Variants in FBXL13 observed in about 807,000 individuals in gnomAD.
FBXL13 encodes the protein F-box and leucine-rich repeat protein 13.
A neutral mutation model predicts 83.6 loss-of-function variants in FBXL13; 67 were observed. That is an observed-to-expected ratio of 0.80 (90% CI 0.66 to 0.98). FBXL13 has a LOEUF of 0.98. Among genes scored for constraint, FBXL13 ranks in the 50% least tolerant of loss-of-function variants. The pLI, the probability that FBXL13 is intolerant of heterozygous loss-of-function variation, is 0.00. For missense variants in FBXL13, 822 were observed against 866.5 expected, an observed-to-expected ratio of 0.95 and a Z score of 0.64; for synonymous variants, 272 against 299.5, an observed-to-expected ratio of 0.91 and a Z score of 0.95.
At chr7:102,913,596 G>A (rs962589041) in intron 10 of FBXL13, among the ~76,000 whole-genome samples, 11 of 152,118 alleles carry the variant, frequency 7.2e-5, no homozygotes, top group African/African-American at 2.4e-4. Flanking sequence ...TATCTCTGGA[G>A]TACCAAAATA....
chr7:103,071,225 A>G (rs1401697613), intron 1 of FBXL13, among the ~76,000 whole-genome samples: 1 of 152,142 alleles, frequency 6.6e-6, no homozygotes, highest in African/African-American at 2.4e-5. Flanking sequence ...AAGAAAAAAA[A>G]AGCTAACATA....
At chr7:102,970,064 A>T (rs764609833) in intron 6 of FBXL13, among the ~76,000 whole-genome samples, 1 of 152,070 alleles carries the variant, frequency 6.6e-6, no homozygotes, top group Non-Finnish European at 1.5e-5. Flanking sequence ...TAGCCTGGGC[A>T]ACATAGTGAA....
At chr7:102,987,871 TA>T (rs1314337352) in intron 6 of FBXL13, among the ~76,000 whole-genome samples, 1 of 152,116 alleles carries the variant, frequency 6.6e-6, no homozygotes, top group South Asian at 2.1e-4. Flanking sequence ...CTGAACACGC[TA>T]GGGGGTAGAT....
chr7:102,973,783 G>A (rs375188220), intron 6 of FBXL13: 3 of 758,442 alleles, frequency 4.0e-6, no homozygotes, highest in Middle Eastern at 2.3e-4. Flanking sequence ...TAAGTTTCCC[G>A]GGAGCCCGGT....
intron 9 of FBXL13, 34 bp from the exon 11 acceptor site, chr7:102,926,408 A>T (rs1391513863): frequency 3.2e-6 from 5 of 1,539,294 alleles, no homozygotes; most frequent in East Asian, 4.6e-5. Context: ...GGCTTATCAA[A>T]TTATAGCAGG....
At chr7:102,851,176 G>C (rs1009542355) in intron 17 of FBXL13, among the ~76,000 whole-genome samples, 1 of 152,078 alleles carries the variant, frequency 6.6e-6, no homozygotes, top group Admixed American at 6.6e-5. Flanking sequence ...ATGTTTCTAA[G>C]ATTCTTTCAG....
At chr7:102,864,391 G>A (rs1386688192) in intron 16 of FBXL13, among the ~76,000 whole-genome samples, 1 of 150,514 alleles carries the variant, frequency 6.6e-6, no homozygotes. Context: ...TTTTTAAGAT[G>A]GAGTCTTCCT....
chr7:103,040,648 T>C (rs977315287), intron 2 of FBXL13, among the ~76,000 whole-genome samples: 3 of 152,118 alleles, frequency 2.0e-5, no homozygotes, highest in African/African-American at 7.2e-5. Flanking sequence ...TGCAATCAAA[T>C]TAGTACTCAG....
At chr7:102,930,461 C>T (rs1290461459) in intron 9 of FBXL13, among the ~76,000 whole-genome samples, 3 of 152,200 alleles carry the variant, frequency 2.0e-5, no homozygotes, top group Admixed American at 6.5e-5. Flanking sequence ...TAATGCCTCA[C>T]CTTCTGACCT....
At chr7:102,903,939 C>CTTTTTTTTTTTT (rs1166655004) in intron 11 of FBXL13, among the ~76,000 whole-genome samples, 23 of 43,452 alleles carry the variant, frequency 5.3e-4, no homozygotes, top group Non-Finnish European at 6.3e-4. Flanking sequence ...CTTTTCTTTT[C>CTTTTTTTTTTTT]TTTTTTTTTT....
intron 2 of FBXL13, among the ~76,000 whole-genome samples, chr7:103,043,937 A>G (rs1796012327): frequency 6.6e-6 from 1 of 152,254 alleles, no homozygotes. Flanking sequence ...ATTGTAGGAT[A>G]CAATTAATAC....
intron 13 of FBXL13, 26 bp downstream of exon 14, chr7:102,883,542 T>C (rs1810392738): frequency 6.3e-7 from 1 of 1,588,700 alleles, no homozygotes; most frequent in South Asian, 1.1e-5. Flanking sequence ...ACAATAATGC[T>C]GAACCACATT....
intron 6 of FBXL13, among the ~76,000 whole-genome samples, chr7:102,974,443 C>T (rs1395250755): frequency 6.6e-6 from 1 of 152,136 alleles, no homozygotes; most frequent in African/African-American, 2.4e-5. Flanking sequence ...AGATATCCAT[C>T]CTCCTTGTCT....
intron 2 of FBXL13, among the ~76,000 whole-genome samples, chr7:103,038,795 C>T (rs1795351979): frequency 6.6e-6 from 1 of 152,312 alleles, no homozygotes; most frequent in East Asian, 1.9e-4. Context: ...ATGACATCCA[C>T]ACCAAAACCC....
intron 19 of FBXL13, chr7:102,816,116 C>G (rs1797967457): frequency 6.6e-6 from 1 of 152,242 alleles, no homozygotes; most frequent in Non-Finnish European, 1.5e-5. Flanking sequence ...TAGCTCTGCT[C>G]TCCAGTCCAC....
At chr7:102,982,048 A>G (rs1828309224) in intron 6 of FBXL13, among the ~76,000 whole-genome samples, 1 of 151,504 alleles carries the variant, frequency 6.6e-6, no homozygotes, top group South Asian at 2.1e-4. Context: ...ATATAGATAC[A>G]CTCTTCTTTT....
chr7:102,849,267 T>C (rs1220512978), intron 17 of FBXL13, among the ~76,000 whole-genome samples: 1 of 152,208 alleles, frequency 6.6e-6, no homozygotes, highest in African/African-American at 2.4e-5. Context: ...ACATAATCAT[T>C]GAATGTCTGT....
chr7:102,903,435 G>A (rs1283628690), intron 11 of FBXL13, among the ~76,000 whole-genome samples: 1 of 151,956 alleles, frequency 6.6e-6, no homozygotes, highest in Non-Finnish European at 1.5e-5. Flanking sequence ...CTCTAGCTAG[G>A]ACTTTCAGTA....
intron 10 of FBXL13, among the ~76,000 whole-genome samples, chr7:102,915,940 C>T (rs1487463449): frequency 6.6e-6 from 1 of 151,706 alleles, no homozygotes; most frequent in African/African-American, 2.4e-5. Context: ...GTAGTTTTTA[C>T]CTACATTTCA....
Sources: gnomAD v4.1 joint callset for allele counts (sites outside exome capture counted in the v4.1 genomes callset) on GRCh38, gnomAD v4.1.1 for gene constraint, MANE v1.5 for transcripts, NCBI Gene and HGNC (gene_info 2026-07-23, HGNC 2026-07-21) for gene names.